Variants in RAB10 observed in about 807,000 individuals in gnomAD.
The protein encoded by RAB10 is RAB10, member RAS oncogene family.
Under a neutral mutation model 25.7 loss-of-function variants are expected in RAB10, and 5 were observed. The observed-to-expected ratio is 0.19, with a 90% CI of 0.10 to 0.41. RAB10 has a LOEUF of 0.41. RAB10 is among the 10% of genes least tolerant of loss of function. The probability of loss-of-function intolerance (pLI) is 1.00; values close to 1 mark genes in which losing one functional copy is unlikely to be tolerated. For missense variants in RAB10, 103 were observed against 245.8 expected, an observed-to-expected ratio of 0.42 and a Z score of 3.89; for synonymous variants, 89 against 86.4, an observed-to-expected ratio of 1.03 and a Z score of -0.16.
intron 1 of RAB10, among the ~76,000 whole-genome samples, chr2:26,042,015 C>T (rs536719799): frequency 5.9e-5 from 9 of 152,172 alleles, no homozygotes; most frequent in African/African-American, 2.2e-4. Flanking sequence ...CCATAACCAT[C>T]TTGGTAGTAT....
chr2:26,135,187 CTT>C lies in RAB10; in HGVS notation c.*168_*169del, dbSNP rs1229428371. 1.9e-6 allele frequency: 1 copy of C among 521,376 alleles called. No homozygotes were observed. Among genetic ancestry groups the C allele is most frequent in the African/African-American group, 2.0e-5 (1 of 50,978 alleles). The allele number at this position is 521,376 out of a possible 1,614,324, so 32.3% of individuals were successfully genotyped here. On this transcript the variant is annotated 3_prime_UTR_variant, in exon 6 of 6. Transcript: ENST00000264710. ...TCTTTCATCTGTGACTGCTTGCTGA[CTT>C]TATCATAATTTTCTTCAAACAAAAA...
intron 1 of RAB10, among the ~76,000 whole-genome samples, chr2:26,094,936 T>G (rs920407561): frequency 2.0e-5 from 3 of 152,248 alleles, no homozygotes; most frequent in Admixed American, 6.5e-5. Flanking sequence ...GTTAACTTAC[T>G]CAAAATGGGT....
At chr2:26,043,492 G>T (rs1043911373) in intron 1 of RAB10, among the ~76,000 whole-genome samples, 3 of 152,172 alleles carry the variant, frequency 2.0e-5, no homozygotes, top group Non-Finnish European at 4.4e-5. Flanking sequence ...CATTATGCAC[G>T]ATAGCTGAAA....
intron 3 of RAB10, among the ~76,000 whole-genome samples, chr2:26,120,880 G>A (rs984575157): frequency 1.3e-5 from 2 of 150,934 alleles, no homozygotes; most frequent in Non-Finnish European, 2.9e-5. Flanking sequence ...ATGAGCCACC[G>A]CATCCAGCCA....
chr2:26,080,463 A>G (rs933824817), intron 1 of RAB10, among the ~76,000 whole-genome samples: 4 of 152,054 alleles, frequency 2.6e-5, no homozygotes, highest in Non-Finnish European at 5.9e-5. Flanking sequence ...TTTTGTCGTG[A>G]TACATTCCTG....
chr2:26,076,671 C>T (rs1002667860), intron 1 of RAB10, among the ~76,000 whole-genome samples: 5 of 152,180 alleles, frequency 3.3e-5, no homozygotes, highest in South Asian at 2.1e-4. Context: ...AGGCCAGGCA[C>T]GGTGGCTCAC....
chr2:26,093,175 A>G lies in RAB10; in HGVS notation c.128-5487A>G, dbSNP rs903599742. Among the ~76,000 whole-genome samples the G allele has an allele frequency of 3.9e-5, 6 of 152,236 alleles. 1 individual carries two copies. Among genetic ancestry groups the G allele is most frequent in the Admixed American group, 3.9e-4 (6 of 15,292 alleles). ...ATGGGCAGGAAACTCACTGAATGATATTGTTTCTTCCTTTTATATGGTGAG... is the reference window on the plus strand; with the variant it reads ...ATGGGCAGGAAACTCACTGAATGATGTTGTTTCTTCCTTTTATATGGTGAG... On this transcript the variant is annotated intron_variant, in intron 1 of 5. Transcript: ENST00000264710.
chr2:26,056,307 T>TC (rs1263740750), intron 1 of RAB10, among the ~76,000 whole-genome samples: 1 of 152,176 alleles, frequency 6.6e-6, no homozygotes, highest in African/African-American at 2.4e-5. Context: ...CAGGCAATTC[T>TC]CCTGCCTCAG....
intron 1 of RAB10, among the ~76,000 whole-genome samples, chr2:26,086,720 CAATTT>C (rs1260827534): frequency 6.6e-6 from 1 of 152,134 alleles, no homozygotes; most frequent in African/African-American, 2.4e-5. Flanking sequence ...AAGGTGGAAA[CAATTT>C]AGATTTCCAT....
At chr2:26,061,050 G>T (rs1297199381) in intron 1 of RAB10, among the ~76,000 whole-genome samples, 1 of 144,612 alleles carries the variant, frequency 6.9e-6, no homozygotes, top group Non-Finnish European at 1.5e-5. Flanking sequence ...GGTTGAAAGA[G>T]CTGATACTCA....
At chr2:26,069,255 A>G (rs1666576221) in intron 1 of RAB10, among the ~76,000 whole-genome samples, 1 of 152,178 alleles carries the variant, frequency 6.6e-6, no homozygotes, top group East Asian at 1.9e-4. Context: ...CATGTTTCCC[A>G]CTAGTAAAAG....
rs867170144 is a variant in RAB10 at position 26,115,867 on chromosome 2, T to G, written c.327+5961T>G. On this transcript the variant is annotated intron_variant, in intron 3 of 5. Coordinates refer to ENST00000264710, the MANE Select transcript of RAB10 (RefSeq NM_016131.5). ...GGTAGAGTTGTTATTACTGTTTTTT[T>G]TTTTTTTTTTGAGACGGAGTTTTGC... Among the ~76,000 whole-genome samples the G allele has an allele frequency of 7.2e-3, 1,094 of 151,336 alleles. 15 individuals carry two copies. The highest frequency in any genetic ancestry group is 0.025 in the African/African-American group (1,048 of 41,238).
intron 3 of RAB10, among the ~76,000 whole-genome samples, chr2:26,110,328 AC>A (rs1016363763): frequency 4.3e-4 from 52 of 121,254 alleles, no homozygotes; most frequent in Non-Finnish European, 1.2e-4. Flanking sequence ...ACAGAGCAAG[AC>A]TCCGTCTCCA....
At chr2:26,072,739 A>G (rs2149270906) in intron 1 of RAB10, among the ~76,000 whole-genome samples, 1 of 152,362 alleles carries the variant, frequency 6.6e-6, no homozygotes, top group Admixed American at 6.5e-5. Context: ...AATTGGATGC[A>G]GAAGCAGGTA....
chr2:26,133,661 TTTTTTCTTTTTC>T (rs1274583691), intron 5 of RAB10, among the ~76,000 whole-genome samples: 3 of 152,130 alleles, frequency 2.0e-5, no homozygotes, highest in East Asian at 1.9e-4. Flanking sequence ...ATTCTGATTT[TTTTTTCTTTTTC>T]TTTTTCTTTT....
chr2:26,054,974 C>T (rs1666223606), intron 1 of RAB10, among the ~76,000 whole-genome samples: 1 of 146,202 alleles, frequency 6.8e-6, no homozygotes, highest in African/African-American at 2.5e-5. Flanking sequence ...GAGTGAGACC[C>T]CACCTTAAAA....
chr2:26,034,263 C>G lies in RAB10; in HGVS notation c.-346C>G, dbSNP rs1665706907. On this transcript the variant is annotated 5_prime_UTR_variant, in exon 1 of 6. Coordinates refer to ENST00000264710, the MANE Select transcript of RAB10 (RefSeq NM_016131.5). ...GGGAGAGAGACTGTCCTCACGCCCG[C>G]TGCGCCTCCTCGACGGCAGAGCAGG... is the stretch of plus-strand genomic sequence containing the variant. The G allele has an allele frequency of 2.0e-6, 1 of 504,542 alleles. No homozygotes were observed. The highest frequency in any genetic ancestry group is 3.5e-6 in the Non-Finnish European group (1 of 283,522). 31.3% of individuals were successfully genotyped at this position (504,542 alleles called of 1,614,324 possible). A position where few individuals can be genotyped will look rare whatever the true frequency, so the allele number is the denominator to read the frequency against.
chr2:26,061,911 G>GC (rs902743527), intron 1 of RAB10, among the ~76,000 whole-genome samples: 142 of 151,944 alleles, frequency 9.3e-4, no homozygotes, highest in African/African-American at 3.3e-3. Flanking sequence ...TTTTATACAG[G>GC]CAGGGCCTCA....
chr2:26,077,246 AATATAG>A (rs1429215783), intron 1 of RAB10, among the ~76,000 whole-genome samples: 1 of 152,234 alleles, frequency 6.6e-6, no homozygotes, highest in Non-Finnish European at 1.5e-5. Flanking sequence ...GTGTATTACA[AATATAG>A]ATATTAAAGG....
Sources: allele counts gnomAD v4.1 joint callset (sites outside exome capture counted in the v4.1 genomes callset), GRCh38; gene constraint gnomAD v4.1.1; transcripts MANE v1.5; gene names NCBI Gene and HGNC (gene_info 2026-07-23, HGNC 2026-07-21).